The following STEAP2 variants were observed in gnomAD, a reference collection of about 807,000 sequenced individuals.
STEAP2 encodes the protein metalloreductase STEAP2.
Under a neutral mutation model 46.4 loss-of-function variants are expected in STEAP2, and 30 were observed. That is an observed-to-expected ratio of 0.65 (90% CI 0.48 to 0.88). STEAP2 has a LOEUF of 0.88. Among genes scored for constraint, STEAP2 ranks in the 40% least tolerant of loss-of-function variants. STEAP2 has a pLI of 0.00. For missense variants in STEAP2, 513 were observed against 579.3 expected, an observed-to-expected ratio of 0.89 and a Z score of 1.18; for synonymous variants, 180 against 200.5, an observed-to-expected ratio of 0.90 and a Z score of 0.86.
Position 90,237,011 on chromosome 7 carries a change from T to G in STEAP2, c.*4387T>G, listed in dbSNP as rs779198049. ...CCTCAGCTGTCCTTGCAGTTAGGTG[T>G]ACATGTGACTGAGTGTTGGCCAGTG... On this transcript the variant is annotated 3_prime_UTR_variant, in exon 6 of 6. Coordinates refer to ENST00000394621, the MANE Select transcript of STEAP2 (RefSeq NM_001244944.2). 81 of 1,574,706 alleles carry G rather than the reference T, an allele frequency of 5.1e-5. No individual in the cohort carries two copies. Among genetic ancestry groups the G allele is most frequent in the Non-Finnish European group, 4.4e-6 (5 of 1,146,632 alleles).
chr7:90,230,023 T>C lies in STEAP2; in HGVS notation c.1172T>C (p.Phe391Ser). 1 of 1,612,750 alleles carries C rather than the reference T, an allele frequency of 6.2e-7. No homozygotes were observed. The highest frequency in any genetic ancestry group is 1.1e-5 in the South Asian group (1 of 90,822). Residue 391 changes from phenylalanine to serine, a missense_variant, in exon 5 of 6, where the codon TTC becomes TCC. Transcript: ENST00000394621. The stretch of plus-strand genomic sequence containing the variant: ...AGCAATGCTTTAAACTGGAGAGAAT[T>C]CAGTTTTATTCAGGTATGTGGGGTT... The part of the protein sequence containing the change: ...SVSNALNWRE[F>S]SFIQSTLGYV...
chr7:90,232,021 T>C (rs1795774180), intron 5 of STEAP2, among the ~76,000 whole-genome samples: 1 of 152,060 alleles, frequency 6.6e-6, no homozygotes, highest in South Asian at 2.1e-4. Context: ...TATTATACAG[T>C]ATTAATGTCA....
rs775017410 is a variant in STEAP2 at position 90,227,261 on chromosome 7, A to G, written c.783A>G (p.Ile261Met). 2 of 1,613,856 alleles carry G rather than the reference A, an allele frequency of 1.2e-6. No individual in the cohort carries two copies. The highest frequency in any genetic ancestry group is 1.7e-6 in the Non-Finnish European group (2 of 1,179,852). Residue 261 changes from isoleucine to methionine, a missense_variant, in exon 4 of 6, where the codon ATA (isoleucine) becomes ATG (methionine). Physicochemically the swap from Ile to Met is conservative, Grantham distance 10. Coordinates refer to ENST00000394621, the MANE Select transcript of STEAP2 (RefSeq NM_001244944.2). ...AGATTGTGAATAAAACCTTACCTAT[A>G]GTTGCCATTACTTTGCTCTCCCTAG... ...PIEIVNKTLP[I>M]VAITLLSLVY...
At position 90,229,383 on chromosome 7, in the gene STEAP2, A is replaced by G. The variant is rs1795640170; in HGVS notation, c.1021-489A>G. On this transcript the variant is annotated intron_variant, in intron 4 of 5. Transcript: ENST00000394621. ...ATGAGAAGAAAGATAAAACAGAGAT[A>G]TATTATTCATGTGATGGAAGAAGAT... Among the ~76,000 whole-genome samples, 3 of 152,162 alleles carry G rather than the reference A, an allele frequency of 2.0e-5. 1 individual carries two copies. The highest frequency in any genetic ancestry group is 1.3e-4 in the Admixed American group (2 of 15,270).
At position 90,234,004 on chromosome 7, in the gene STEAP2, G is replaced by T. The variant is rs756739557; in HGVS notation, c.*1380G>T. 3.2e-5 allele frequency: 32 copies of T among 985,172 alleles called. No homozygotes were observed. The highest frequency in any genetic ancestry group is 3.9e-5 in the Non-Finnish European group (32 of 829,922). The allele number at this position is 985,172 out of a possible 1,614,324, so 61.0% of individuals were successfully genotyped here. On this transcript the variant is annotated 3_prime_UTR_variant, in exon 6 of 6. Transcript: ENST00000394621. Reference sequence around the variant, plus strand: ...CCATATGCCTCCCTATGCAGTGAAGGGCCCTAGCAGTGTTAACAAATTGCT... The same window carrying T: ...CCATATGCCTCCCTATGCAGTGAAGTGCCCTAGCAGTGTTAACAAATTGCT...
rs1795880315 is a variant in STEAP2 at position 90,234,408 on chromosome 7, C to T, written c.*1784C>T. On this transcript the variant is annotated 3_prime_UTR_variant, in exon 6 of 6. Transcript: ENST00000394621. ...ACGTAGGTACTACTGAATCCAACTG[C>T]CAACAATAAAAAGACTTTTATTTAG... 1.0e-6 allele frequency: 1 copy of T among 985,180 alleles called. No individual in the cohort carries two copies. Among genetic ancestry groups the T allele is most frequent in the African/African-American group, 1.7e-5 (1 of 57,194 alleles). The allele number at this position is 985,180 out of a possible 1,614,324, so 61.0% of individuals were successfully genotyped here. A position where few individuals can be genotyped will look rare whatever the true frequency, so the allele number is the denominator to read the frequency against.
At chr7:90,219,352 C>A (rs1456403200) in intron 2 of STEAP2, among the ~76,000 whole-genome samples, 1 of 151,974 alleles carries the variant, frequency 6.6e-6, no homozygotes, top group Non-Finnish European at 1.5e-5. Context: ...GCATCCTTGT[C>A]TTGTTTCTGT....
Position 90,236,375 on chromosome 7 carries a change from A to T in STEAP2, c.*3751A>T. On this transcript the variant is annotated 3_prime_UTR_variant, in exon 6 of 6. Coordinates refer to ENST00000394621, the MANE Select transcript of STEAP2 (RefSeq NM_001244944.2). ...AAACAGCCTAAAATGTGTTGAAATT[A>T]TTTTGTAAATCCATGACTTAAAACA... 7 of 984,178 alleles carry T rather than the reference A, an allele frequency of 7.1e-6. No homozygotes were observed. Among genetic ancestry groups the T allele is most frequent in the Non-Finnish European group, 8.4e-6 (7 of 828,782 alleles). The allele number at this position is 984,178 out of a possible 1,614,324, so 61.0% of individuals were successfully genotyped here. A position where few individuals can be genotyped will look rare whatever the true frequency, so the allele number is the denominator to read the frequency against.
Position 90,227,103 on chromosome 7 carries a change from T to G in STEAP2, c.625T>G (p.Phe209Val). 6.2e-7 allele frequency: 1 copy of G among 1,613,838 alleles called. No homozygotes were observed. Residue 209 changes from phenylalanine (F) to valine (V), a missense_variant, in exon 4 of 6, where the codon TTT becomes GTT. By Grantham distance (50) the Phe-to-Val change is conservative. Transcript: ENST00000394621. ...GATTGAAAATTTACCCCTACGACTC[T>G]TTACTCTCTGGAGAGGGCCAGTGGT... ...REIENLPLRL[F>V]TLWRGPVVVA...
Position 90,227,080 on chromosome 7 carries a change from T to C in STEAP2, c.602T>C (p.Ile201Thr), listed in dbSNP as rs998811577. Residue 201 changes from isoleucine to threonine, a missense_variant, in exon 4 of 6, where the codon ATT (isoleucine) becomes ACT (threonine). Coordinates refer to ENST00000394621, the MANE Select transcript of STEAP2 (RefSeq NM_001244944.2). ...DLGSLSSAREIENLPLRLFTL... is the reference protein window; with the variant it reads ...DLGSLSSARETENLPLRLFTL... ...GGATCCTTATCATCAGCCAGAGAGA[T>C]TGAAAATTTACCCCTACGACTCTTT... The C allele has an allele frequency of 5.6e-6, 9 of 1,613,678 alleles. No homozygotes were observed. Among genetic ancestry groups the C allele is most frequent in the Non-Finnish European group, 6.8e-6 (8 of 1,179,824 alleles).
intron 2 of STEAP2, among the ~76,000 whole-genome samples, chr7:90,219,096 T>C (rs1795146508): frequency 6.6e-6 from 1 of 152,180 alleles, no homozygotes; most frequent in Non-Finnish European, 1.5e-5. Flanking sequence ...TCATTGTTGG[T>C]GTATAGAAAT....
chr7:90,229,594 G>T (rs1192753138), intron 4 of STEAP2, among the ~76,000 whole-genome samples: 4 of 152,100 alleles, frequency 2.6e-5, no homozygotes, highest in African/African-American at 9.7e-5. Flanking sequence ...GGATTCCAGA[G>T]TCCCTGTAAT....
chr7:90,242,838 G>A (rs1796079237), downstream of STEAP2, among the ~76,000 whole-genome samples: 1 of 152,150 alleles, frequency 6.6e-6, no homozygotes, highest in African/African-American at 2.4e-5. Context: ...GGCCCATAAA[G>A]ATACCAATGA....
rs150834023 is a variant in STEAP2, at chr7:90,217,617, C to T, written c.-34+1014C>T. Among the ~76,000 whole-genome samples the T allele has an allele frequency of 6.9e-5, 10 of 145,722 alleles. No homozygotes were observed. In the East Asian group the frequency reaches 2.0e-3, roughly 29 times the overall value. ...CATTTTTTAAGGCTGAATAATATTT[C>T]ATTGTGTATACATACCACATTTTCT... On this transcript the variant is annotated intron_variant, in intron 2 of 5. Coordinates refer to ENST00000394621, the MANE Select transcript of STEAP2 (RefSeq NM_001244944.2).
In STEAP2 at chr7:90,226,964, T is replaced by A. The variant is rs184297668; in HGVS notation, c.493-7T>A. The A allele has an allele frequency of 6.4e-7, 1 of 1,552,832 alleles. No individual in the cohort carries two copies. The highest frequency in any genetic ancestry group is 2.2e-5 in the East Asian group (1 of 44,534). ...GGTAATGCTGAGTCTTTTTGTTTTT[T>A]CCACAGGTTTATATATGCAGCAACA... is the stretch of plus-strand genomic sequence containing the variant. On this transcript the variant is annotated splice_region_variant and splice_polypyrimidine_tract_variant and intron_variant, in intron 3 of 5. Coordinates refer to ENST00000394621, the MANE Select transcript of STEAP2 (RefSeq NM_001244944.2).
At chr7:90,238,857 T>G (rs773986515), downstream of STEAP2, among the ~76,000 whole-genome samples, 4 of 152,134 alleles carry the variant, frequency 2.6e-5, no homozygotes, top group Non-Finnish European at 5.9e-5. Flanking sequence ...AAATCCAGAT[T>G]TGTTGAGACC....
In STEAP2 at chr7:90,234,613, C is replaced by T. The variant is rs1283589918; in HGVS notation, c.*1989C>T. The T allele has an allele frequency of 2.8e-5, 23 of 821,930 alleles. No homozygotes were observed. Among genetic ancestry groups the T allele is most frequent in the Non-Finnish European group, 3.4e-5 (23 of 684,452 alleles). The allele number at this position is 821,930 out of a possible 1,614,324, so 50.9% of individuals were successfully genotyped here. On this transcript the variant is annotated 3_prime_UTR_variant, in exon 6 of 6. Transcript: ENST00000394621. Reference sequence around the variant, plus strand: ...TCACCCAGGCTGGAGTGCAGTGGCACGATCTCGGCTCACTGCAAGCTCTGC... The same window carrying T: ...TCACCCAGGCTGGAGTGCAGTGGCATGATCTCGGCTCACTGCAAGCTCTGC...
At chr7:90,221,616 T>G (rs1795261700) in intron 2 of STEAP2, among the ~76,000 whole-genome samples, 1 of 152,154 alleles carries the variant, frequency 6.6e-6, no homozygotes, top group Non-Finnish European at 1.5e-5. Flanking sequence ...GCATTCAAAG[T>G]TATTCAACAA....
chr7:90,220,720 T>A (rs1795221902), intron 2 of STEAP2, among the ~76,000 whole-genome samples: 1 of 152,156 alleles, frequency 6.6e-6, no homozygotes, highest in Non-Finnish European at 1.5e-5. Flanking sequence ...ATCATTAAGT[T>A]GTTTATTTGA....
Sources: gnomAD v4.1 joint callset for allele counts (sites outside exome capture counted in the v4.1 genomes callset) on GRCh38, gnomAD v4.1.1 for gene constraint, MANE v1.5 for transcripts, NCBI Gene and HGNC (gene_info 2026-07-23, HGNC 2026-07-21) for gene names.